The following C2orf76 variants were observed in gnomAD, a reference collection of about 807,000 sequenced individuals.
C2orf76 encodes chromosome 2 open reading frame 76, also known as UPF0538 protein C2orf76.
Under a neutral mutation model 16.9 loss-of-function variants are expected in C2orf76, and 23 were observed. The observed-to-expected ratio is 1.36, with a 90% CI of 0.98 to 1.93. The LOEUF (loss-of-function observed/expected upper bound fraction) is 1.93, where lower values mean the gene tolerates loss of function less well. C2orf76 is among the 30% of genes most tolerant of loss of function. The pLI is 0.00. For synonymous variants in C2orf76, 48 were observed against 52.3 expected, an observed-to-expected ratio of 0.92 and a Z score of 0.35; for missense variants, 152 against 152.6, an observed-to-expected ratio of 1.00 and a Z score of 0.02.
intron 2 of C2orf76, among the ~76,000 whole-genome samples, chr2:119,325,438 C>T (rs13425606): frequency 4.8e-5 from 6 of 123,908 alleles, no homozygotes; most frequent in East Asian, 2.3e-4. Flanking sequence ...CCAGCCTGGG[C>T]GACAGAGCAA....
intron 2 of C2orf76, among the ~76,000 whole-genome samples, chr2:119,337,067 ATT>A (rs894168634): frequency 3.1e-5 from 4 of 127,938 alleles, no homozygotes; most frequent in Non-Finnish European, 1.7e-5. Context: ...TTATTTATTT[ATT>A]TTTTGAGACA....
intron 1 of C2orf76, among the ~76,000 whole-genome samples, chr2:119,346,292 T>C (rs1295503947): frequency 6.6e-6 from 1 of 152,120 alleles, no homozygotes; most frequent in Non-Finnish European, 1.5e-5. Context: ...TGGGCATTCA[T>C]GCTAGAGAAA....
the C2orf76 span, among the ~76,000 whole-genome samples, chr2:119,285,173 T>C: frequency 2.6e-5 from 4 of 152,242 alleles, no homozygotes; most frequent in Admixed American, 6.5e-5. Context: ...ATCCAAATCA[T>C]ATGTAGATAA....
chr2:119,295,596 G>A, the C2orf76 span, among the ~76,000 whole-genome samples: 3 of 152,066 alleles, frequency 2.0e-5, no homozygotes, highest in South Asian at 2.1e-4. Context: ...TGCTTTGATC[G>A]ACCAGATTTG....
intron 2 of C2orf76, among the ~76,000 whole-genome samples, chr2:119,336,996 A>G (rs375019761): frequency 6.6e-6 from 1 of 152,054 alleles, no homozygotes; most frequent in South Asian, 2.1e-4. Flanking sequence ...GCCTGGGTTG[A>G]TTTGCAGCTT....
intron 5 of C2orf76, among the ~76,000 whole-genome samples, chr2:119,306,430 C>G (rs953120828): frequency 6.6e-6 from 1 of 152,120 alleles, no homozygotes; most frequent in Non-Finnish European, 1.5e-5. Context: ...TATTACAGGA[C>G]CTGGCTTGCC....
chr2:119,350,988 C>G (rs571384126), intron 1 of C2orf76, among the ~76,000 whole-genome samples: 1 of 152,102 alleles, frequency 6.6e-6, no homozygotes, highest in Non-Finnish European at 1.5e-5. Context: ...CAAAAAAAAA[C>G]ATCACTACAG....
chr2:119,330,881 G>A (rs1679656385), intron 2 of C2orf76, among the ~76,000 whole-genome samples: 1 of 152,036 alleles, frequency 6.6e-6, no homozygotes, highest in Non-Finnish European at 1.5e-5. Flanking sequence ...TTTCAATTCA[G>A]GTATTTTTAA....
intron 5 of C2orf76, among the ~76,000 whole-genome samples, chr2:119,306,171 G>A (rs371708043): frequency 2.6e-5 from 4 of 152,022 alleles, no homozygotes; most frequent in Admixed American, 6.6e-5. Flanking sequence ...ACATACTGTC[G>A]AAGGAAGAAA....
chr2:119,351,941 A>G (rs1264585158), intron 1 of C2orf76, among the ~76,000 whole-genome samples: 1 of 152,338 alleles, frequency 6.6e-6, no homozygotes, highest in East Asian at 1.9e-4. Flanking sequence ...ATCTGAAAAT[A>G]ATTAGGATTG....
chr2:119,365,784 T>G (rs1047595349), intron 1 of C2orf76, among the ~76,000 whole-genome samples: 4 of 152,206 alleles, frequency 2.6e-5, no homozygotes, highest in African/African-American at 9.7e-5. Flanking sequence ...CTCCTTTCAG[T>G]TCCCATGGAG....
intron 4 of C2orf76, 27 bp downstream of exon 4, chr2:119,317,439 G>GC (rs1679206942): frequency 6.5e-7 from 1 of 1,545,330 alleles, no homozygotes; most frequent in Non-Finnish European, 8.8e-7. Flanking sequence ...CTTGCTATGT[G>GC]CCAGATACTG....
chr2:119,359,910 A>G (rs1018238915), intron 1 of C2orf76, among the ~76,000 whole-genome samples: 13 of 152,220 alleles, frequency 8.5e-5, no homozygotes, highest in African/African-American at 3.1e-4. Flanking sequence ...ATTGACTCCA[A>G]TTTTGAAAGT....
At chr2:119,311,108 T>G (rs1264350527) in intron 5 of C2orf76, 1 of 950,094 alleles carries the variant, frequency 1.1e-6, no homozygotes, top group East Asian at 1.2e-4. Flanking sequence ...TAAAACCACA[T>G]GCACATTCTA....
chr2:119,332,263 GA>G (rs1302243820), intron 2 of C2orf76, among the ~76,000 whole-genome samples: 2 of 145,292 alleles, frequency 1.4e-5, no homozygotes, highest in African/African-American at 5.2e-5. Context: ...AGACCTTTGA[GA>G]AAGCATAAAC....
chr2:119,289,098 T>C, the C2orf76 span, among the ~76,000 whole-genome samples: 1 of 152,020 alleles, frequency 6.6e-6, no homozygotes, highest in Non-Finnish European at 1.5e-5. Context: ...AATTGCTGGC[T>C]CTAGAAACTA....
At chr2:119,332,291 A>AT (rs1038003735) in intron 2 of C2orf76, among the ~76,000 whole-genome samples, 6 of 151,834 alleles carry the variant, frequency 4.0e-5, no homozygotes, top group Non-Finnish European at 7.4e-5. Flanking sequence ...AGGAAAAAAA[A>AT]AATAAAACTA....
At chr2:119,362,864 C>T (rs1259943531) in intron 1 of C2orf76, among the ~76,000 whole-genome samples, 1 of 152,164 alleles carries the variant, frequency 6.6e-6, no homozygotes, top group Admixed American at 6.5e-5. Context: ...CATGTGCATG[C>T]CACACCTGTT....
At chr2:119,320,615 T>G (rs1033280233) in intron 3 of C2orf76, among the ~76,000 whole-genome samples, 3 of 152,146 alleles carry the variant, frequency 2.0e-5, no homozygotes, top group Non-Finnish European at 2.9e-5. Flanking sequence ...AATAAAAAAT[T>G]TATACTTTAA....
Sources: allele counts gnomAD v4.1 joint callset (sites outside exome capture counted in the v4.1 genomes callset), GRCh38; gene constraint gnomAD v4.1.1; transcripts MANE v1.5; gene names NCBI Gene and HGNC (gene_info 2026-07-23, HGNC 2026-07-21).